COL6A1: variants seen among roughly 807,000 people sequenced by gnomAD.
COL6A1 encodes collagen type VI alpha 1 chain, also known as collagen alpha-1(VI) chain.
COL6A1 carries 80 observed loss-of-function variants against 145.6 expected under a neutral mutation model. The observed-to-expected ratio is 0.55, with a 90% CI of 0.46 to 0.66. COL6A1 has a LOEUF of 0.66. COL6A1 is among the 30% of genes least tolerant of loss of function. COL6A1 has a pLI of 0.00. For missense variants in COL6A1, 1,364 were observed against 1,473.8 expected, an observed-to-expected ratio of 0.93 and a Z score of 1.22; for synonymous variants, 638 against 622.8, an observed-to-expected ratio of 1.02 and a Z score of -0.36.
intron 30 of COL6A1, among the ~76,000 whole-genome samples, chr21:46,001,759 C>T (rs1263877170): frequency 6.6e-6 from 1 of 151,772 alleles, no homozygotes; most frequent in Non-Finnish European, 1.5e-5. Flanking sequence ...CCTCTGGGCA[C>T]CCGGAGCCAA....
intron 20 of COL6A1, 121 bp from the exon 21 acceptor site, chr21:45,997,300 G>A (rs1371624932): frequency 7.6e-6 from 7 of 915,854 alleles, no homozygotes; most frequent in Non-Finnish European, 1.3e-5. Flanking sequence ...GCACTGATGG[G>A]ACTGGGGCCA....
chr21:45,994,709 T>A lies in COL6A1; in HGVS notation c.1398+480T>A, dbSNP rs1198114910. On this transcript the variant is annotated intron_variant, in intron 20 of 34. Transcript: ENST00000361866. The surrounding 1 kb of genome is among the most constrained non-coding windows in gnomAD (Gnocchi z 6.8). ...TTTCATCTCATTCTAAATTCCCTTC[T>A]CCGAGCCTCTGGAATCGCTGTGCAC... 6.6e-6 allele frequency among the ~76,000 whole-genome samples: 1 copy of A among 152,172 alleles called. No homozygotes were observed. Among genetic ancestry groups the A allele is most frequent in the Non-Finnish European group, 1.5e-5 (1 of 68,030 alleles).
chr21:46,003,779 G>C lies in COL6A1; in HGVS notation c.2853G>C (p.Thr951=). 1.3e-5 allele frequency: 21 copies of C among 1,611,808 alleles called. No individual in the cohort carries two copies. Among genetic ancestry groups the C allele is most frequent in the Non-Finnish European group, 1.8e-5 (21 of 1,179,026 alleles). ...CAGATGGCAACTCGCAGGGCGCCACGCCCGCTGCCATCGAGAAGGCCGTGC... is the reference window on the plus strand; with the variant it reads ...CAGATGGCAACTCGCAGGGCGCCACCCCCGCTGCCATCGAGAAGGCCGTGC... The part of the protein sequence containing the change: ...LFSDGNSQGA[T]PAAIEKAVQE... Residue 951 remains threonine, a synonymous_variant, in exon 35 of 35, where the codon ACG becomes ACC. Transcript: ENST00000361866.
intron 33 of COL6A1, 117 bp from the exon 34 acceptor site, chr21:46,003,003 C>T: frequency 6.7e-7 from 1 of 1,484,724 alleles, no homozygotes; most frequent in Non-Finnish European, 9.3e-7. Context: ...TCCCGGCTCG[C>T]TGTGACTTCC....
At chr21:45,993,639 G>C (rs1187211954) in intron 19 of COL6A1, among the ~76,000 whole-genome samples, 1 of 152,194 alleles carries the variant, frequency 6.6e-6, no homozygotes, top group Non-Finnish European at 1.5e-5. Flanking sequence ...CTCCCCAGTG[G>C]GGGGTGGGGG....
intron 4 of COL6A1, 79 bp from the exon 5 acceptor site, chr21:45,986,865 C>T (rs2077742123): frequency 2.0e-6 from 3 of 1,532,262 alleles, no homozygotes; most frequent in Non-Finnish European, 2.6e-6. Context: ...AGCCCAGCCT[C>T]CCCTCTGGCC....
At chr21:45,995,736 G>T (rs890396311) in intron 20 of COL6A1, among the ~76,000 whole-genome samples, 1 of 152,232 alleles carries the variant, frequency 6.6e-6, no homozygotes, top group African/African-American at 2.4e-5. Flanking sequence ...TAGTCTCTAG[G>T]CTGCTGTCCT....
At chr21:45,999,280 C>T (rs1475336756) in intron 26 of COL6A1, 62 bp downstream of exon 26, 2 of 1,442,780 alleles carry the variant, frequency 1.4e-6, no homozygotes, top group Non-Finnish European at 1.9e-6. Flanking sequence ...GATGCTGGGG[C>T]TGGGGAATGC....
chr21:45,992,431 C>T, intron 18 of COL6A1, 33 bp downstream of exon 18: 1 of 1,608,914 alleles, frequency 6.2e-7, no homozygotes, highest in East Asian at 2.2e-5. Flanking sequence ...GCGCTGTTGG[C>T]CTCACCATGT....
At chr21:45,996,490 T>C (rs2077805170) in intron 20 of COL6A1, among the ~76,000 whole-genome samples, 1 of 152,182 alleles carries the variant, frequency 6.6e-6, no homozygotes, top group African/African-American at 2.4e-5. Context: ...ATGGGCCAAG[T>C]CTGGTAGTGG....
At chr21:45,985,884 G>A (rs1352517560) in intron 3 of COL6A1, among the ~76,000 whole-genome samples, 4 of 152,224 alleles carry the variant, frequency 2.6e-5, no homozygotes, top group Non-Finnish European at 5.9e-5. Flanking sequence ...TCCGCTGTCT[G>A]CAGGGGGTGC....
chr21:45,985,338 A>C (rs1047035440), intron 3 of COL6A1, among the ~76,000 whole-genome samples: 3 of 151,892 alleles, frequency 2.0e-5, no homozygotes, highest in African/African-American at 4.8e-5. Flanking sequence ...AGAGAGAGAG[A>C]GACAAAGACA....
intron 15 of COL6A1, 77 bp from the exon 16 acceptor site, chr21:45,991,933 C>G: frequency 7.0e-7 from 1 of 1,432,240 alleles, no homozygotes; most frequent in Non-Finnish European, 9.6e-7. Context: ...GGTGAGAGGC[C>G]CTGGATGTGG....
At chr21:45,993,244 A>C (rs2077786741) in intron 19 of COL6A1, among the ~76,000 whole-genome samples, 1 of 151,986 alleles carries the variant, frequency 6.6e-6, no homozygotes, top group South Asian at 2.1e-4. Flanking sequence ...CTCAGAGGCC[A>C]CCCCCCACCT....
chr21:46,001,920 G>C, intron 30 of COL6A1, 41 bp from the exon 31 acceptor site: 1 of 1,568,164 alleles, frequency 6.4e-7, no homozygotes, highest in Middle Eastern at 1.7e-4. Flanking sequence ...ATGCGGACCT[G>C]GGGCAGCACT....
In COL6A1 at chr21:45,990,986, A is replaced by G. The variant is rs751548289; in HGVS notation, c.1064A>G (p.Gln355Arg). Residue 355 changes from glutamine (Q) to arginine (R), a missense_variant, in exon 15 of 35, where the codon CAA becomes CGA. Gln to Arg is a conservative substitution (Grantham distance 43). Coordinates refer to ENST00000361866, the MANE Select transcript of COL6A1 (RefSeq NM_001848.3). The stretch of plus-strand genomic sequence containing the variant: ...CTGCCCTCTTTTCTCCAGGGCATTC[A>G]AGGACCCCCTGGCCCCAAGGGAGAC... The part of the protein sequence containing the change: ...CKGSPGFDGI[Q>R]GPPGPKGDPG... 8 of 1,613,300 alleles carry G rather than the reference A, an allele frequency of 5.0e-6. No individual in the cohort carries two copies. In the South Asian group the frequency reaches 8.8e-5, roughly 18 times the overall value.
In COL6A1 at chr21:46,004,374, C is replaced by T; in HGVS notation, c.*361C>T. Reference sequence around the variant, plus strand: ...CCACCCCGGGCTCTCCTGCCCTGCCCTCCTGCCCGCCCTCCCTCCTGCCTG... The same window carrying T: ...CCACCCCGGGCTCTCCTGCCCTGCCTTCCTGCCCGCCCTCCCTCCTGCCTG... On this transcript the variant is annotated 3_prime_UTR_variant, in exon 35 of 35. Transcript: ENST00000361866. 1 of 365,640 alleles carries T rather than the reference C, an allele frequency of 2.7e-6. No individual in the cohort carries two copies. Among genetic ancestry groups the T allele is most frequent in the Non-Finnish European group, 5.2e-6 (1 of 193,326 alleles). The allele number at this position is 365,640 out of a possible 1,614,324, so 22.6% of individuals were successfully genotyped here.
rs373158112 is a variant in COL6A1, at chr21:46,003,381, C to T, written c.2465-10C>T. On this transcript the variant is annotated splice_polypyrimidine_tract_variant and intron_variant, in intron 34 of 34. Transcript: ENST00000361866. ...GCCTCATGCTAACGGCTGCCCACCC[C>T]GCCCCGCAGTCACGTTCTCCTCCCC... 51 of 1,599,862 alleles carry T rather than the reference C, an allele frequency of 3.2e-5. 1 individual carries two copies. The highest frequency in any genetic ancestry group is 4.0e-5 in the Non-Finnish European group (47 of 1,179,676).
intron 24 of COL6A1, 81 bp downstream of exon 24, chr21:45,998,514 G>A (rs2077819851): frequency 6.3e-7 from 1 of 1,583,406 alleles, no homozygotes; most frequent in Admixed American, 1.7e-5. Flanking sequence ...GAACACACAT[G>A]TGCACACAGG....
Sources: gnomAD v4.1 joint callset for allele counts (sites outside exome capture counted in the v4.1 genomes callset) on GRCh38, gnomAD v4.1.1 for gene constraint, Gnocchi (gnomAD v3.1) non-coding constraint, MANE v1.5 for transcripts, NCBI Gene and HGNC (gene_info 2026-07-23, HGNC 2026-07-21) for gene names.